The following ZFHX3 variants were observed in gnomAD, a reference collection of about 807,000 sequenced individuals.
ZFHX3 encodes zinc finger homeobox 3.
In ZFHX3, 42 loss-of-function variants were observed where a neutral mutation model predicts 279.1. The observed-to-expected ratio is 0.15, with a 90% CI of 0.12 to 0.19. ZFHX3 has a LOEUF of 0.19. ZFHX3 is among the 10% of genes least tolerant of loss of function. The pLI is 1.00. For missense variants in ZFHX3, 4,981 were observed against 4,754.0 expected (o/e 1.05, Z -1.40); for synonymous variants, 2,293 against 1,957.8 (o/e 1.17, Z -4.52).
rs2035548633 is a variant in ZFHX3 at position 72,788,405 on chromosome 16, G to C, written c.9871C>G (p.Leu3291Val). 4 of 1,614,202 alleles carry C rather than the reference G, an allele frequency of 2.5e-6. No homozygotes were observed. Among genetic ancestry groups the C allele is most frequent in the Non-Finnish European group, 3.4e-6 (4 of 1,180,004 alleles). ...GGGTCCGAAGTCAACGCGGCCTGCA[G>C]GGCCTGCAGCTGTGCAGGGTCTACC... Reference protein sequence around the residue: ...YAVDPAQLQALQAALTSDPTA... With the variant: ...YAVDPAQLQAVQAALTSDPTA... The change falls in exon 10 of 10, where the codon CTG becomes GTG. Residue 3291 changes from leucine (L) to valine (V), a missense_variant. By Grantham distance (32) the Leu-to-Val change is conservative. This residue lies in a region of ZFHX3 where 1,034 missense variants were observed against 786.0 expected (regional missense o/e 1.32). Coordinates refer to ENST00000268489, the MANE Select transcript of ZFHX3 (RefSeq NM_006885.4).
chr16:73,594,950 G>C (rs2052033981), intron 2 of ZFHX3, among the ~76,000 whole-genome samples: 2 of 152,088 alleles, frequency 1.3e-5, no homozygotes, highest in Admixed American at 1.3e-4. Flanking sequence ...TATAACTCAG[G>C]TATGGCCCCA....
intron 7 of ZFHX3, among the ~76,000 whole-genome samples, chr16:72,802,562 AG>A (rs1014532876): frequency 6.6e-6 from 1 of 152,104 alleles, no homozygotes; most frequent in South Asian, 2.1e-4. Flanking sequence ...CCTGAAAAAA[AG>A]GGGGGGTTGG....
In ZFHX3 at chr16:72,829,582, G is replaced by A. The variant is rs138710011; in HGVS notation, c.3529+197C>T. 1.1e-4 allele frequency: 64 copies of A among 602,612 alleles called. No individual in the cohort carries two copies. In the East Asian group the frequency reaches 1.8e-3, roughly 17 times the overall value. The allele number at this position is 602,612 out of a possible 1,614,324, so 37.3% of individuals were successfully genotyped here. On this transcript the variant is annotated intron_variant, in intron 5 of 9. Coordinates refer to ENST00000268489, the MANE Select transcript of ZFHX3 (RefSeq NM_006885.4). ...TAACCATTAAAAACTACAGTATAAT[G>A]TAGTATAATAAAGAAGAATAAAGGT...
At chr16:73,584,401 A>G (rs999141672) in intron 2 of ZFHX3, among the ~76,000 whole-genome samples, 3 of 152,256 alleles carry the variant, frequency 2.0e-5, no homozygotes, top group Non-Finnish European at 4.4e-5. Flanking sequence ...ATGTATCTTT[A>G]GAGGAGAAAC....
chr16:73,081,202 A>AT (rs2144765714), intron 8 of ZFHX3: 1 of 151,980 alleles, frequency 6.6e-6, no homozygotes, highest in Non-Finnish European at 1.5e-5. Flanking sequence ...TTTGTACTTC[A>AT]TCTTTCATCT....
intron 8 of ZFHX3, among the ~76,000 whole-genome samples, chr16:73,071,511 A>G (rs1028479809): frequency 4.0e-5 from 6 of 151,834 alleles, no homozygotes; most frequent in Non-Finnish European, 7.4e-5. Flanking sequence ...ACTGCTGCTC[A>G]TTCTATCAGG....
At position 72,938,300 on chromosome 16, in the gene ZFHX3, G is replaced by T. The variant is rs1048091526; in HGVS notation, c.3216+12169C>A. On this transcript the variant is annotated intron_variant, in intron 3 of 9. Transcript: ENST00000268489. ...CCCCGTGCCCATCTCAGCAACGCAG[G>T]GCGTGTGTAACCAAATCACACAGAA... Among the ~76,000 whole-genome samples, 62 of 152,240 alleles carry T rather than the reference G, an allele frequency of 4.1e-4. 1 individual carries two copies. The highest frequency in any genetic ancestry group is 1.4e-3 in the African/African-American group (58 of 41,476).
chr16:72,795,461 C>T lies in ZFHX3; in HGVS notation c.7221G>A (p.Leu2407=), dbSNP rs773484911. ...GTTCCTCAGCCTCCGCTGTAAGCTG[C>T]AAGAAAGCGGAGGAAGCTGTATTAT... The part of the protein sequence containing the change: ...SANNTASSAF[L]QLTAEAEELA... The change falls in exon 9 of 10, where the codon TTG becomes TTA. Residue 2407 remains leucine (L), a synonymous_variant. Coordinates refer to ENST00000268489, the MANE Select transcript of ZFHX3 (RefSeq NM_006885.4). 185 of 1,613,986 alleles carry T rather than the reference C, an allele frequency of 1.1e-4. 1 individual carries two copies. Among genetic ancestry groups the T allele is most frequent in the Middle Eastern group, 6.6e-4 (4 of 6,084 alleles).
At chr16:73,488,661 G>A (rs962408352) in intron 2 of ZFHX3, among the ~76,000 whole-genome samples, 2 of 152,144 alleles carry the variant, frequency 1.3e-5, no homozygotes, top group African/African-American at 2.4e-5. Flanking sequence ...GACTTAGGAA[G>A]CCATAGGATT....
At chr16:72,899,971 C>T (rs1317888911) in intron 3 of ZFHX3, among the ~76,000 whole-genome samples, 1 of 152,108 alleles carries the variant, frequency 6.6e-6, no homozygotes, top group East Asian at 1.9e-4. Flanking sequence ...AAAGGCAATC[C>T]TTGGTTGACA....
intron 3 of ZFHX3, among the ~76,000 whole-genome samples, chr16:73,331,984 A>G (rs1480886736): frequency 1.3e-5 from 2 of 152,224 alleles, no homozygotes; most frequent in African/African-American, 4.8e-5. Context: ...GGCAGAAGAA[A>G]AAAAGAAGAT....
intron 3 of ZFHX3, among the ~76,000 whole-genome samples, chr16:73,364,225 T>A (rs967978946): frequency 2.0e-5 from 3 of 151,762 alleles, no homozygotes; most frequent in Admixed American, 6.6e-5. Flanking sequence ...CATGGGTACA[T>A]ATAACCATAA....
chr16:73,364,139 C>G (rs1217259391), intron 3 of ZFHX3, among the ~76,000 whole-genome samples: 1 of 150,420 alleles, frequency 6.6e-6, no homozygotes, highest in African/African-American at 2.4e-5. Flanking sequence ...TACCACTGCA[C>G]ACTAGCCTGG....
chr16:73,378,587 G>C (rs1364568829), intron 3 of ZFHX3, among the ~76,000 whole-genome samples: 1 of 152,162 alleles, frequency 6.6e-6, no homozygotes, highest in African/African-American at 2.4e-5. Flanking sequence ...TAAAAGACAT[G>C]CTTCTTGCTT....
At position 72,793,533 on chromosome 16, in the gene ZFHX3, G is replaced by C. The variant is rs764266649; in HGVS notation, c.9149C>G (p.Ser3050Cys). 9 of 1,614,144 alleles carry C rather than the reference G, an allele frequency of 5.6e-6. No individual in the cohort carries two copies. Among genetic ancestry groups the C allele is most frequent in the Non-Finnish European group, 6.8e-6 (8 of 1,180,038 alleles). ...GCTTCCAATGGTGTCTTTAACTTTGGAGATATGCTGTTGGGAAAAGATATG... is the reference window on the plus strand; with the variant it reads ...GCTTCCAATGGTGTCTTTAACTTTGCAGATATGCTGTTGGGAAAAGATATG... ...RDHIFSQQHI[S>C]KVKDTIGSQL... The change falls in exon 9 of 10, where the codon TCC becomes TGC. Residue 3050 changes from serine (S) to cysteine (C), a missense_variant. Coordinates refer to ENST00000268489, the MANE Select transcript of ZFHX3 (RefSeq NM_006885.4). This position sits in a 1 kb window ranked among gnomAD's most constrained non-coding sequence, Gnocchi z 4.3.
At chr16:72,889,190 A>G (rs2038705236) in intron 4 of ZFHX3, among the ~76,000 whole-genome samples, 1 of 152,186 alleles carries the variant, frequency 6.6e-6, no homozygotes, top group African/African-American at 2.4e-5. Context: ...AGAAACACCC[A>G]GAATCACTCC....
At chr16:73,008,953 T>C (rs1207732166) in intron 1 of ZFHX3, among the ~76,000 whole-genome samples, 1 of 151,986 alleles carries the variant, frequency 6.6e-6, no homozygotes, top group African/African-American at 2.4e-5. Flanking sequence ...TGTGTATATA[T>C]ATGTTAAAAA....
intron 5 of ZFHX3, among the ~76,000 whole-genome samples, chr16:73,145,203 A>G (rs1299732510): frequency 6.6e-6 from 1 of 151,906 alleles, no homozygotes; most frequent in Admixed American, 6.6e-5. Flanking sequence ...CTGTTGGGGG[A>G]GCAGGGGTGA....
At chr16:73,020,597 C>T (rs1964264222) in intron 1 of ZFHX3, among the ~76,000 whole-genome samples, 2 of 152,270 alleles carry the variant, frequency 1.3e-5, no homozygotes, top group South Asian at 2.1e-4. Flanking sequence ...CAGTGCTTGT[C>T]GACCATGACT....
Sources: allele counts gnomAD v4.1 joint callset (sites outside exome capture counted in the v4.1 genomes callset), GRCh38; gene constraint gnomAD v4.1.1; regional missense constraint gnomAD v4.1.1; non-coding constraint Gnocchi (gnomAD v3.1); transcripts MANE v1.5; gene names NCBI Gene and HGNC (gene_info 2026-07-23, HGNC 2026-07-21).